Variants in TAFA5 observed in about 807,000 individuals in gnomAD.
The protein encoded by TAFA5 is chemokine-like protein TAFA-5.
A neutral mutation model predicts 15.3 loss-of-function variants in TAFA5; 6 were observed. The observed-to-expected ratio is 0.39, with a 90% CI of 0.21 to 0.77. TAFA5 has a LOEUF of 0.77. Among genes scored for constraint, TAFA5 ranks in the 30% least tolerant of loss-of-function variants. The probability of loss-of-function intolerance (pLI) is 0.41; values close to 1 mark genes in which losing one functional copy is unlikely to be tolerated. For synonymous variants in TAFA5, 103 were observed against 80.7 expected, an observed-to-expected ratio of 1.28 and a Z score of -1.48; for missense variants, 161 against 193.1, an observed-to-expected ratio of 0.83 and a Z score of 0.98.
intron 2 of TAFA5, among the ~76,000 whole-genome samples, chr22:48,650,909 G>A (rs1176982848): frequency 7.2e-5 from 11 of 152,140 alleles, no homozygotes; most frequent in Admixed American, 5.2e-4. Context: ...ATGCAGACGC[G>A]CCAGGTTCCC....
chr22:48,557,997 C>T (rs572291722), intron 1 of TAFA5, among the ~76,000 whole-genome samples: 12 of 152,310 alleles, frequency 7.9e-5, no homozygotes, highest in Admixed American at 5.2e-4. Flanking sequence ...GGAGCCCGCT[C>T]AGGCAGAGGC....
At chr22:48,557,153 G>A (rs1173691440) in intron 1 of TAFA5, among the ~76,000 whole-genome samples, 2 of 152,166 alleles carry the variant, frequency 1.3e-5, no homozygotes, top group South Asian at 2.1e-4. Flanking sequence ...CCCAAAATCC[G>A]TATGTTGATG....
At chr22:48,745,532 C>T (rs535668436) in intron 3 of TAFA5, among the ~76,000 whole-genome samples, 3 of 151,718 alleles carry the variant, frequency 2.0e-5, no homozygotes, top group African/African-American at 4.9e-5. Flanking sequence ...GCTTTGTCGT[C>T]GGCAGCTGGC....
intron 1 of TAFA5, among the ~76,000 whole-genome samples, chr22:48,510,365 T>A (rs1280035752): frequency 6.6e-6 from 1 of 152,184 alleles, no homozygotes; most frequent in East Asian, 1.9e-4. Context: ...CCCCAAATAA[T>A]CTCATTAAAA....
intron 1 of TAFA5, among the ~76,000 whole-genome samples, chr22:48,623,107 G>A (rs1365512022): frequency 4.6e-5 from 7 of 152,246 alleles, no homozygotes; most frequent in East Asian, 3.9e-4. Flanking sequence ...AGGGGGTGGC[G>A]GCGGTGAGCA....
In TAFA5 at chr22:48,666,862, T is replaced by TAG. The variant is rs367771578; in HGVS notation, c.262+20119_262+20120dup. On this transcript the variant is annotated intron_variant, in intron 2 of 3. Transcript: ENST00000402357. Reference sequence around the variant, plus strand: ...AGCATTCCATCCGGAGCCCAGGAGGTAGAGGGTGGCCGACTGTCTCAGCCT... The same window carrying TAG: ...AGCATTCCATCCGGAGCCCAGGAGGTAGAGAGGGTGGCCGACTGTCTCAGCCT... 3.3e-3 allele frequency among the ~76,000 whole-genome samples: 505 copies of TAG among 151,788 alleles called. 1 individual carries two copies. The highest frequency in any genetic ancestry group is 0.012 in the African/African-American group (487 of 41,362).
chr22:48,661,812 ACTGGGGGC>A (rs1027448330), intron 2 of TAFA5, among the ~76,000 whole-genome samples: 8 of 152,292 alleles, frequency 5.3e-5, no homozygotes, highest in Non-Finnish European at 8.8e-5. Flanking sequence ...GCAGAAATGA[ACTGGGGGC>A]CTGGGAGCCT....
chr22:48,499,457 C>T (rs921528136), intron 1 of TAFA5, among the ~76,000 whole-genome samples: 1 of 152,160 alleles, frequency 6.6e-6, no homozygotes, highest in African/African-American at 2.4e-5. Context: ...CCCTTGGTTG[C>T]CTAGAGTTTG....
intron 3 of TAFA5, among the ~76,000 whole-genome samples, chr22:48,727,657 A>C (rs955387475): frequency 3.3e-5 from 5 of 152,234 alleles, no homozygotes; most frequent in African/African-American, 1.2e-4. Context: ...AAAAGCAAAG[A>C]CTATCAAATC....
chr22:48,593,067 T>A (rs1217499911), intron 1 of TAFA5, among the ~76,000 whole-genome samples: 3 of 152,106 alleles, frequency 2.0e-5, no homozygotes, highest in Non-Finnish European at 2.9e-5. Flanking sequence ...AACTGAGATG[T>A]CCTCCGGGAA....
intron 3 of TAFA5, among the ~76,000 whole-genome samples, chr22:48,715,743 G>A (rs1929384735): frequency 1.3e-5 from 2 of 152,212 alleles, no homozygotes; most frequent in Admixed American, 1.3e-4. Flanking sequence ...AAGAGACAGA[G>A]GTGAGCCTGG....
intron 2 of TAFA5, among the ~76,000 whole-genome samples, chr22:48,654,134 C>T (rs1022010742): frequency 2.6e-5 from 4 of 152,050 alleles, no homozygotes; most frequent in Non-Finnish European, 5.9e-5. Context: ...GGGAAGAGGG[C>T]GGTCACCTGG....
At chr22:48,565,493 CTT>C (rs1416378481) in intron 1 of TAFA5, among the ~76,000 whole-genome samples, 1 of 152,240 alleles carries the variant, frequency 6.6e-6, no homozygotes, top group African/African-American at 2.4e-5. Flanking sequence ...ATACCTAACT[CTT>C]TTCAACTCTG....
At chr22:48,495,559 A>T (rs1928296026) in intron 1 of TAFA5, among the ~76,000 whole-genome samples, 1 of 152,030 alleles carries the variant, frequency 6.6e-6, no homozygotes, top group Admixed American at 6.5e-5. Context: ...AGGCTCCTCC[A>T]TCCTTGTTCT....
At chr22:48,528,279 G>A (rs781742907) in intron 1 of TAFA5, among the ~76,000 whole-genome samples, 8 of 152,292 alleles carry the variant, frequency 5.3e-5, no homozygotes, top group African/African-American at 1.2e-4. Flanking sequence ...GCAGAGTTGC[G>A]GTGAGGACTC....
At chr22:48,634,388 C>CGCACT (rs1461287636) in intron 1 of TAFA5, among the ~76,000 whole-genome samples, 2 of 152,134 alleles carry the variant, frequency 1.3e-5, no homozygotes, top group Non-Finnish European at 2.9e-5. Flanking sequence ...TATTCAGTCA[C>CGCACT]GCACTCATTT....
At chr22:48,592,613 C>T (rs187119947) in intron 1 of TAFA5, among the ~76,000 whole-genome samples, 20 of 152,284 alleles carry the variant, frequency 1.3e-4, no homozygotes, top group South Asian at 6.2e-4. Flanking sequence ...CACTCCTCTG[C>T]GCTCTGCCTG....
intron 1 of TAFA5, among the ~76,000 whole-genome samples, chr22:48,525,215 C>T (rs2147109383): frequency 1.3e-5 from 2 of 152,292 alleles, no homozygotes; most frequent in South Asian, 4.1e-4. Flanking sequence ...TTCACAGGCT[C>T]CAGAGATTAG....
intron 1 of TAFA5, among the ~76,000 whole-genome samples, chr22:48,619,556 A>G (rs1215699287): frequency 6.6e-5 from 10 of 152,150 alleles, no homozygotes; most frequent in Non-Finnish European, 5.9e-5. Flanking sequence ...GGGTCTTGCC[A>G]TGTTGGCCAG....
Sources: gnomAD v4.1 joint callset for allele counts (sites outside exome capture counted in the v4.1 genomes callset) on GRCh38, gnomAD v4.1.1 for gene constraint, MANE v1.5 for transcripts, NCBI Gene and HGNC (gene_info 2026-07-23, HGNC 2026-07-21) for gene names.